Variants in COLQ observed in about 807,000 individuals in gnomAD.
The protein encoded by COLQ is acetylcholinesterase collagenic tail peptide.
COLQ carries 48 observed loss-of-function variants against 69.0 expected under a neutral mutation model. The ratio of observed to expected loss-of-function variants is 0.70; its 90% CI spans 0.55 to 0.88. The LOEUF (loss-of-function observed/expected upper bound fraction) is 0.88. Ranked by LOEUF, COLQ falls within the 40% of genes least tolerant of loss-of-function variation. The pLI is 0.00. For missense variants in COLQ, 618 were observed against 594.6 expected (o/e 1.04, Z -0.41); for synonymous variants, 217 against 211.2 (o/e 1.03, Z -0.24).
chr3:15,514,313 C>A (rs2063027062), intron 1 of COLQ, among the ~76,000 whole-genome samples: 1 of 151,922 alleles, frequency 6.6e-6, no homozygotes, highest in African/African-American at 2.4e-5. Context: ...GTCCACCGAC[C>A]AGCAGCATCA....
chr3:15,496,532 G>A (rs1182875599), intron 1 of COLQ, among the ~76,000 whole-genome samples: 2 of 152,222 alleles, frequency 1.3e-5, no homozygotes, highest in South Asian at 2.1e-4. Flanking sequence ...AGCCCCGGAA[G>A]GCTCTGTTGT....
At chr3:15,475,209 T>C in intron 7 of COLQ, 3 of 653,494 alleles carry the variant, frequency 4.6e-6, no homozygotes, top group Non-Finnish European at 8.0e-6. Context: ...AGAAGCTTGG[T>C]TCTTCCTGCC....
intron 1 of COLQ, chr3:15,506,758 C>T (rs1173822033): frequency 2.0e-5 from 3 of 152,164 alleles, no homozygotes; most frequent in Non-Finnish European, 4.4e-5. Context: ...GCACCCCGCT[C>T]CTGGAAGGAC....
chr3:15,492,038 C>A lies in COLQ; in HGVS notation c.107-2401G>T, dbSNP rs996291055. Among the ~76,000 whole-genome samples, 8 of 146,174 alleles carry A rather than the reference C, an allele frequency of 5.5e-5. No individual in the cohort carries two copies. In the East Asian group the frequency reaches 1.0e-3, roughly 19 times the overall value. Reference sequence around the variant, plus strand: ...GTGCCACTGCACTCCAACCTGGCAACAGAGTGAGACTCCATCTCAAAAAAA... The same window carrying A: ...GTGCCACTGCACTCCAACCTGGCAAAAGAGTGAGACTCCATCTCAAAAAAA... On this transcript the variant is annotated intron_variant, in intron 1 of 16. Coordinates refer to ENST00000383788, the MANE Select transcript of COLQ (RefSeq NM_005677.4).
chr3:15,518,490 T>C (rs530659995), intron 1 of COLQ, among the ~76,000 whole-genome samples: 14 of 152,368 alleles, frequency 9.2e-5, no homozygotes, highest in African/African-American at 3.4e-4. Flanking sequence ...TCAAATATTA[T>C]GTGCTTTAGC....
chr3:15,479,395 G>T lies in COLQ; in HGVS notation c.322-13C>A. On this transcript the variant is annotated splice_polypyrimidine_tract_variant and intron_variant, in intron 3 of 16. Transcript: ENST00000383788. Reference sequence around the variant, plus strand: ...GCCCCGGTGGACCCTAATCAATCAAGATAAAAAGTGAAGAAAGTATATATC... The same window carrying T: ...GCCCCGGTGGACCCTAATCAATCAATATAAAAAGTGAAGAAAGTATATATC... The T allele has an allele frequency of 6.2e-7, 1 of 1,613,780 alleles. No individual in the cohort carries two copies. The highest frequency in any genetic ancestry group is 8.5e-7 in the Non-Finnish European group (1 of 1,179,676).
chr3:15,462,574 G>C (rs1401892130), intron 12 of COLQ, among the ~76,000 whole-genome samples: 2 of 152,140 alleles, frequency 1.3e-5, no homozygotes, highest in African/African-American at 4.8e-5. Flanking sequence ...CCCCTGCCTG[G>C]GAGCCCCTGC....
chr3:15,483,972 CTTCT>C (rs546042563), intron 3 of COLQ, among the ~76,000 whole-genome samples: 33 of 152,124 alleles, frequency 2.2e-4, no homozygotes, highest in African/African-American at 7.0e-4. Context: ...ATGTAATGGC[CTTCT>C]TTGTCTCTTT....
At chr3:15,487,881 T>G (rs1373500697) in intron 3 of COLQ, among the ~76,000 whole-genome samples, 2 of 152,182 alleles carry the variant, frequency 1.3e-5, no homozygotes, top group East Asian at 1.9e-4. Context: ...TAAGGGGCAC[T>G]GTCATCAAGT....
intron 1 of COLQ, among the ~76,000 whole-genome samples, chr3:15,512,270 G>A (rs1287734108): frequency 6.6e-6 from 1 of 152,090 alleles, no homozygotes; most frequent in East Asian, 1.9e-4. Context: ...TTCATTTGCA[G>A]CCCGCAGCTG....
intron 1 of COLQ, among the ~76,000 whole-genome samples, chr3:15,503,638 CT>C (rs2062862925): frequency 6.6e-6 from 1 of 152,128 alleles, no homozygotes; most frequent in African/African-American, 2.4e-5. Context: ...CCATTCAATC[CT>C]TTGATCCCCG....
chr3:15,470,477 C>A, intron 11 of COLQ, 59 bp downstream of exon 11: 1 of 1,497,504 alleles, frequency 6.7e-7, no homozygotes, highest in Non-Finnish European at 9.3e-7. Context: ...TGCCACTCCA[C>A]ACACTGCCAG....
chr3:15,470,930 G>A (rs1271637212), intron 10 of COLQ, among the ~76,000 whole-genome samples: 2 of 152,244 alleles, frequency 1.3e-5, no homozygotes, highest in Non-Finnish European at 2.9e-5. Context: ...CAGGCAGTGA[G>A]AGGCTGGGGC....
At chr3:15,460,129 T>C (rs2062088181) in intron 12 of COLQ, among the ~76,000 whole-genome samples, 1 of 152,232 alleles carries the variant, frequency 6.6e-6, no homozygotes. Flanking sequence ...CTCTTTGTGA[T>C]TCTATATATT....
chr3:15,493,426 C>T (rs1188708414), intron 1 of COLQ, among the ~76,000 whole-genome samples: 2 of 152,274 alleles, frequency 1.3e-5, no homozygotes, highest in Non-Finnish European at 2.9e-5. Flanking sequence ...TTTCTCTCAC[C>T]TTCCTCGATC....
intron 12 of COLQ, among the ~76,000 whole-genome samples, chr3:15,463,319 T>TG (rs1466654360): frequency 4.0e-5 from 6 of 151,426 alleles, no homozygotes; most frequent in African/African-American, 1.5e-4. Flanking sequence ...GTTTTGGTTT[T>TG]GTTTTTTTTT....
At chr3:15,489,168 G>A (rs2062623427) in intron 2 of COLQ, among the ~76,000 whole-genome samples, 1 of 152,190 alleles carries the variant, frequency 6.6e-6, no homozygotes, top group South Asian at 2.1e-4. Context: ...ATAAACACTT[G>A]GGGAGAAGAA....
At chr3:15,458,399 C>A (rs2062057051) in intron 12 of COLQ, 74 bp from the exon 13 acceptor site, 1 of 1,556,336 alleles carries the variant, frequency 6.4e-7, no homozygotes, top group Admixed American at 1.7e-5. Flanking sequence ...ATGTGAGCGA[C>A]CTTTGCAACA....
chr3:15,499,271 C>T (rs2062798304), intron 1 of COLQ, among the ~76,000 whole-genome samples: 1 of 152,214 alleles, frequency 6.6e-6, no homozygotes. Flanking sequence ...ACTTTATAGG[C>T]ACACCCAGTG....
Sources: gnomAD v4.1 joint callset for allele counts (sites outside exome capture counted in the v4.1 genomes callset) on GRCh38, gnomAD v4.1.1 for gene constraint, MANE v1.5 for transcripts, NCBI Gene and HGNC (gene_info 2026-07-23, HGNC 2026-07-21) for gene names.